Variants in RB1CC1 observed in about 807,000 individuals in gnomAD.
RB1CC1 encodes the protein RB1-inducible coiled-coil protein 1.
A neutral mutation model predicts 177.5 loss-of-function variants in RB1CC1; 46 were observed. The observed-to-expected ratio is 0.26, with a 90% CI of 0.20 to 0.33. The LOEUF (loss-of-function observed/expected upper bound fraction) is 0.33. RB1CC1 is among the 10% of genes least tolerant of loss of function. The pLI, the probability that RB1CC1 is intolerant of heterozygous loss-of-function variation, is 1.00. For missense variants in RB1CC1, 1,703 were observed against 1,816.3 expected, an observed-to-expected ratio of 0.94 and a Z score of 1.13; for synonymous variants, 666 against 613.6, an observed-to-expected ratio of 1.09 and a Z score of -1.26.
intron 1 of RB1CC1, among the ~76,000 whole-genome samples, chr8:52,691,334 A>C (rs1008947756): frequency 3.9e-5 from 6 of 152,172 alleles, no homozygotes; most frequent in African/African-American, 1.4e-4. Context: ...CCTTTAAACA[A>C]ACACTAATCT....
rs1849021613 is a variant in RB1CC1, at chr8:52,634,986, A to T, written c.4393-18T>A. 6.2e-7 allele frequency: 1 copy of T among 1,600,766 alleles called. No individual in the cohort carries two copies. The highest frequency in any genetic ancestry group is 1.3e-5 in the African/African-American group (1 of 74,166). On this transcript the variant is annotated intron_variant, in intron 19 of 23. Transcript: ENST00000025008. ...TGCAATGTCTGCAGGTGGAAAAAAGAGACCTGTGGTTTATCCTTGTACCTA... is the reference window on the plus strand; with the variant it reads ...TGCAATGTCTGCAGGTGGAAAAAAGTGACCTGTGGTTTATCCTTGTACCTA...
chr8:52,675,926 C>T (rs1853085192), intron 6 of RB1CC1, among the ~76,000 whole-genome samples: 2 of 149,538 alleles, frequency 1.3e-5, no homozygotes, highest in African/African-American at 4.9e-5. Flanking sequence ...ACAGACAACA[C>T]AAGGGCTTTT....
At chr8:52,649,500 G>T (rs182699329) in intron 15 of RB1CC1, among the ~76,000 whole-genome samples, 46 of 152,224 alleles carry the variant, frequency 3.0e-4, no homozygotes, top group Admixed American at 2.7e-3. Context: ...AATTAAAATG[G>T]GGCCTAGTAA....
At chr8:52,708,348 C>T (rs556274597) in intron 1 of RB1CC1, among the ~76,000 whole-genome samples, 1 of 152,276 alleles carries the variant, frequency 6.6e-6, no homozygotes, top group South Asian at 2.1e-4. Context: ...AACCCCGTCT[C>T]TGCTAAAAAT....
chr8:52,680,271 CAG>C (rs1431981437), intron 5 of RB1CC1, among the ~76,000 whole-genome samples: 1 of 152,164 alleles, frequency 6.6e-6, no homozygotes, highest in Admixed American at 6.5e-5. Flanking sequence ...GAACTCAACA[CAG>C]AGATTTAGCT....
chr8:52,648,963 C>T (rs1479431850), intron 15 of RB1CC1, among the ~76,000 whole-genome samples: 1 of 152,158 alleles, frequency 6.6e-6, no homozygotes, highest in Admixed American at 6.5e-5. Context: ...ACCCAGATGG[C>T]TAACAAGTGA....
intron 20 of RB1CC1, 83 bp from the exon 21 acceptor site, chr8:52,630,611 T>A (rs1013854061): frequency 1.4e-6 from 2 of 1,401,758 alleles, no homozygotes; most frequent in African/African-American, 1.5e-5. Flanking sequence ...CCCACTGTTA[T>A]ACACATTCAA....
chr8:52,705,588 GC>G (rs1856472305), intron 1 of RB1CC1, among the ~76,000 whole-genome samples: 1 of 152,168 alleles, frequency 6.6e-6, no homozygotes, highest in Non-Finnish European at 1.5e-5. Flanking sequence ...ACTTCTGGGA[GC>G]AAAGAATGAA....
intron 22 of RB1CC1, among the ~76,000 whole-genome samples, chr8:52,627,058 G>GA (rs1378524069): frequency 2.0e-5 from 3 of 149,720 alleles, no homozygotes; most frequent in Admixed American, 6.6e-5. Context: ...TTGTCTTAAA[G>GA]AAAAAAAAGG....
At chr8:52,700,507 C>A (rs1014177471) in intron 1 of RB1CC1, among the ~76,000 whole-genome samples, 1 of 151,844 alleles carries the variant, frequency 6.6e-6, no homozygotes, top group Non-Finnish European at 1.5e-5. Context: ...AGCACTCCAG[C>A]CTAGGCAACA....
chr8:52,685,004 T>A (rs1314432978), intron 3 of RB1CC1, among the ~76,000 whole-genome samples: 2 of 23,528 alleles, frequency 8.5e-5, no homozygotes, highest in Admixed American at 8.2e-4. Context: ...TATGTGACCT[T>A]TTTTTTTTTT....
chr8:52,627,072 G>A (rs1344659199), intron 22 of RB1CC1, among the ~76,000 whole-genome samples: 14 of 151,058 alleles, frequency 9.3e-5, no homozygotes, highest in Non-Finnish European at 2.9e-5. Flanking sequence ...AAAAAGGCCG[G>A]GTACGGTGGC....
At chr8:52,629,724 A>T (rs1416045009) in intron 21 of RB1CC1, among the ~76,000 whole-genome samples, 1 of 152,192 alleles carries the variant, frequency 6.6e-6, no homozygotes, top group Non-Finnish European at 1.5e-5. Context: ...TGGTCTCCAC[A>T]ACCTCTTATC....
At position 52,623,835 on chromosome 8, in the gene RB1CC1, A is replaced by C; in HGVS notation, c.4732T>G (p.Leu1578Val). The C allele has an allele frequency of 1.2e-6, 2 of 1,609,232 alleles. No individual in the cohort carries two copies. Among genetic ancestry groups the C allele is most frequent in the Non-Finnish European group, 1.7e-6 (2 of 1,175,998 alleles). ...TTCACTCTGTAAAACTTTGTCCCCA[A>C]AGGAACTTTAAATCTGTTTTGTGCC... ...KKAQNRFKVP[L>V]GTKFYRVKAV... Residue 1578 changes from leucine to valine, a missense_variant, in exon 24 of 24, where the codon TTG becomes GTG. Transcript: ENST00000025008.
At chr8:52,706,624 C>G (rs1039345648) in intron 1 of RB1CC1, among the ~76,000 whole-genome samples, 13 of 151,204 alleles carry the variant, frequency 8.6e-5, no homozygotes, top group African/African-American at 2.4e-4. Context: ...CCCAGCTACT[C>G]GGGAGGCTGA....
At chr8:52,672,134 T>G (rs1158642643) in intron 7 of RB1CC1, among the ~76,000 whole-genome samples, 1 of 152,156 alleles carries the variant, frequency 6.6e-6, no homozygotes, top group Admixed American at 6.5e-5. Flanking sequence ...GGTATAAATA[T>G]TTCTGACATT....
chr8:52,698,853 C>T (rs1210461461), intron 1 of RB1CC1, among the ~76,000 whole-genome samples: 1 of 151,512 alleles, frequency 6.6e-6, no homozygotes, highest in Non-Finnish European at 1.5e-5. Context: ...CCACGCCCGG[C>T]TAATTGTTTT....
intron 1 of RB1CC1, among the ~76,000 whole-genome samples, chr8:52,689,540 T>C (rs1280090866): frequency 2.0e-5 from 3 of 152,302 alleles, no homozygotes; most frequent in Admixed American, 6.5e-5. Context: ...AGCTACCACT[T>C]TGTATTCATT....
intron 15 of RB1CC1, among the ~76,000 whole-genome samples, chr8:52,649,584 C>T (rs888295475): frequency 2.6e-5 from 4 of 152,072 alleles, no homozygotes; most frequent in African/African-American, 4.8e-5. Context: ...GGCAGTAAGC[C>T]GAGATCATGC....
Sources: allele counts gnomAD v4.1 joint callset (sites outside exome capture counted in the v4.1 genomes callset), GRCh38; gene constraint gnomAD v4.1.1; transcripts MANE v1.5; gene names NCBI Gene and HGNC (gene_info 2026-07-23, HGNC 2026-07-21).